AGAP1: variants seen among roughly 807,000 people sequenced by gnomAD.
AGAP1 encodes the protein ArfGAP with GTPase domain, ankyrin repeat and PH domain 1.
Under a neutral mutation model 105.3 loss-of-function variants are expected in AGAP1, and 29 were observed. The observed-to-expected ratio is 0.28, with a 90% CI of 0.21 to 0.38. The LOEUF is 0.38. Among genes scored for constraint, AGAP1 ranks in the 10% least tolerant of loss-of-function variants. The probability of loss-of-function intolerance (pLI) is 1.00; values close to 1 mark genes in which losing one functional copy is unlikely to be tolerated. For missense variants in AGAP1, 998 were observed against 1,165.1 expected (o/e 0.86, Z 2.09); for synonymous variants, 509 against 485.9 (o/e 1.05, Z -0.63).
At chr2:235,783,042 GTGTGTGTGTC>G (rs759129778) in intron 6 of AGAP1, among the ~76,000 whole-genome samples, 97 of 88,952 alleles carry the variant, frequency 1.1e-3, no homozygotes, top group African/African-American at 1.5e-3. Flanking sequence ...GTGTGTGTGT[GTGTGTGTGTC>G]TAGGTTGCAG....
intron 13 of AGAP1, among the ~76,000 whole-genome samples, chr2:236,029,965 C>G (rs1298449413): frequency 6.6e-6 from 1 of 152,122 alleles, no homozygotes; most frequent in Admixed American, 6.5e-5. Flanking sequence ...TCTTGAACTC[C>G]TGGGCTCAAG....
At chr2:235,766,838 T>C (rs985232160) in intron 6 of AGAP1, among the ~76,000 whole-genome samples, 4 of 151,872 alleles carry the variant, frequency 2.6e-5, no homozygotes, top group Non-Finnish European at 5.9e-5. Context: ...ACTTCCTGGG[T>C]TCAAGCAATT....
In AGAP1 at chr2:235,988,131, C is replaced by T. The variant is rs1470721465; in HGVS notation, c.1645+19508C>T. On this transcript the variant is annotated intron_variant, in intron 13 of 17. Coordinates refer to ENST00000304032, the MANE Select transcript of AGAP1 (RefSeq NM_001037131.3). This position sits in a 1 kb window ranked among gnomAD's most constrained non-coding sequence, Gnocchi z 4.7. ...GATCTCGGCTCACTGAAGCCTCCAC[C>T]TCCAAAGTTCAAGTGATTCTCCTGC... 6.6e-6 allele frequency among the ~76,000 whole-genome samples: 1 copy of T among 152,116 alleles called. No homozygotes were observed. The highest frequency in any genetic ancestry group is 1.5e-5 in the Non-Finnish European group (1 of 68,026).
At chr2:235,746,950 G>A (rs79279541) in intron 5 of AGAP1, among the ~76,000 whole-genome samples, 2,808 of 152,172 alleles carry the variant, frequency 0.018, 83 homozygotes, top group African/African-American at 0.064. Flanking sequence ...CTGAGATCCC[G>A]GGAGTTGGGA....
intron 1 of AGAP1, among the ~76,000 whole-genome samples, chr2:235,684,690 A>G (rs1297253238): frequency 6.6e-6 from 1 of 152,162 alleles, no homozygotes; most frequent in East Asian, 1.9e-4. Flanking sequence ...CAAAAAAGCA[A>G]GGTGCAGCCC....
At chr2:235,755,615 C>CT (rs1357336405) in intron 6 of AGAP1, among the ~76,000 whole-genome samples, 1 of 152,172 alleles carries the variant, frequency 6.6e-6, no homozygotes, top group East Asian at 1.9e-4. Context: ...TACTTTTTGG[C>CT]TATTTAGTAG....
rs1951341111 is a variant in AGAP1 at position 235,720,750 on chromosome 2, C to T, written c.310+3106C>T. The T allele has an allele frequency of 4.1e-6, 4 of 977,804 alleles. No individual in the cohort carries two copies. The highest frequency in any genetic ancestry group is 4.9e-6 in the Non-Finnish European group (4 of 823,090). The allele number at this position is 977,804 out of a possible 1,614,324, so 60.6% of individuals were successfully genotyped here. ...TTTATGTCATAATCCTGACCCGTGG[C>T]TGGGATATGTAGACTGCTGGGAGGG... On this transcript the variant is annotated intron_variant, in intron 3 of 17. Coordinates refer to ENST00000304032, the MANE Select transcript of AGAP1 (RefSeq NM_001037131.3). This position sits in a 1 kb window ranked among gnomAD's most constrained non-coding sequence, Gnocchi z 5.0.
chr2:235,663,740 A>G lies in AGAP1; in HGVS notation c.164-45439A>G, dbSNP rs1172830139. ...AGTTCGTGATATTCGTTCCTACTCCAGGAAGCTCTTAGGAGAATCCAAATC... is the reference window on the plus strand; with the variant it reads ...AGTTCGTGATATTCGTTCCTACTCCGGGAAGCTCTTAGGAGAATCCAAATC... On this transcript the variant is annotated intron_variant, in intron 1 of 17. Transcript: ENST00000304032. This position sits in a 1 kb window ranked among gnomAD's most constrained non-coding sequence, Gnocchi z 5.4. Among the ~76,000 whole-genome samples, 1 of 152,220 alleles carries G rather than the reference A, an allele frequency of 6.6e-6. No homozygotes were observed. Among genetic ancestry groups the G allele is most frequent in the Non-Finnish European group, 1.5e-5 (1 of 68,042 alleles).
At chr2:236,098,680 A>G (rs2059257508) in intron 16 of AGAP1, among the ~76,000 whole-genome samples, 1 of 137,250 alleles carries the variant, frequency 7.3e-6, no homozygotes, top group Admixed American at 7.7e-5. Flanking sequence ...GCTGGAGTGC[A>G]GTGCCACAAA....
At position 236,121,550 on chromosome 2, in the gene AGAP1, C is replaced by T. The variant is rs571485426; in HGVS notation, c.2370+1103C>T. ...TCCTGACCTCGTGATCCACCCGCCT[C>T]GGCCTCCCAAAGTGCTGGGAGTACA... is the stretch of plus-strand genomic sequence containing the variant. On this transcript the variant is annotated intron_variant, in intron 17 of 17. Coordinates refer to ENST00000304032, the MANE Select transcript of AGAP1 (RefSeq NM_001037131.3). The surrounding 1 kb of genome is among the most constrained non-coding windows in gnomAD (Gnocchi z 4.9). 2.2e-3 allele frequency among the ~76,000 whole-genome samples: 335 copies of T among 152,272 alleles called. 3 individuals are homozygous for T. Among genetic ancestry groups the T allele is most frequent in the African/African-American group, 7.5e-3 (311 of 41,568 alleles).
chr2:235,710,109 G>T (rs1488710089), intron 2 of AGAP1, among the ~76,000 whole-genome samples: 1 of 152,140 alleles, frequency 6.6e-6, no homozygotes, highest in East Asian at 1.9e-4. Flanking sequence ...GCAGACTCCG[G>T]CATGGGCCTG....
chr2:235,699,038 T>C (rs2149469774), intron 1 of AGAP1, among the ~76,000 whole-genome samples: 1 of 150,948 alleles, frequency 6.6e-6, no homozygotes, highest in African/African-American at 2.4e-5. Context: ...AGGCAGGAGA[T>C]GGTGGCCTGG....
intron 1 of AGAP1, among the ~76,000 whole-genome samples, chr2:235,682,257 T>C (rs1949116905): frequency 6.6e-6 from 1 of 152,186 alleles, no homozygotes; most frequent in Middle Eastern, 3.2e-3. Flanking sequence ...CCTTTCAAGC[T>C]GGGCATATTT....
rs1956607698 is a variant in AGAP1 at position 235,785,971 on chromosome 2, AG to A, written c.674-11787del. Among the ~76,000 whole-genome samples the A allele has an allele frequency of 2.0e-5, 3 of 152,310 alleles. No individual in the cohort carries two copies. In the South Asian group the frequency reaches 6.2e-4, roughly 32 times the overall value. On this transcript the variant is annotated intron_variant, in intron 6 of 17. Transcript: ENST00000304032. The stretch of plus-strand genomic sequence containing the variant: ...TGCCTGGCGTGGAAGAGTGTTGAGG[AG>A]CCTCACGTGCAGATTGAAGAATTGC...
In AGAP1 at chr2:236,083,751, G is replaced by T. The variant is rs2058848729; in HGVS notation, c.2114+34470G>T. ...TGCACATTAAGTCTGTTTTTTTACA[G>T]AAGGATAAATGGATGAACAGGTGTT... On this transcript the variant is annotated intron_variant, in intron 16 of 17. Transcript: ENST00000304032. This position sits in a 1 kb window ranked among gnomAD's most constrained non-coding sequence, Gnocchi z 5.3. Among the ~76,000 whole-genome samples the T allele has an allele frequency of 6.6e-6, 1 of 151,960 alleles. No homozygotes were observed. The highest frequency in any genetic ancestry group is 6.6e-5 in the Admixed American group (1 of 15,266).
At position 235,612,998 on chromosome 2, in the gene AGAP1, TAAC is replaced by T. The variant is rs779729665; in HGVS notation, c.164-96178_164-96176del. Among the ~76,000 whole-genome samples the T allele has an allele frequency of 8.6e-5, 13 of 152,002 alleles. No homozygotes were observed. The highest frequency in any genetic ancestry group is 1.6e-4 in the Non-Finnish European group (11 of 68,014). On this transcript the variant is annotated intron_variant, in intron 1 of 17. Transcript: ENST00000304032. This position sits in a 1 kb window ranked among gnomAD's most constrained non-coding sequence, Gnocchi z 4.3. ...GAGGTTAGCAAATACGTATAGATTG[TAAC>T]AAGAGAATTTTGCATTTCAGTTTTG...
At chr2:235,618,943 G>A (rs1946389518) in intron 1 of AGAP1, among the ~76,000 whole-genome samples, 2 of 152,160 alleles carry the variant, frequency 1.3e-5, no homozygotes, top group South Asian at 4.1e-4. Context: ...CTCTATAAAA[G>A]GAGGCAGTAA....
rs1235246399 is a variant in AGAP1, at chr2:235,883,245, T to C, written c.1051-100T>C. The C allele has an allele frequency of 4.8e-5, 46 of 952,026 alleles. No homozygotes were observed. The highest frequency in any genetic ancestry group is 6.7e-5 in the Non-Finnish European group (41 of 607,582). 59.0% of individuals were successfully genotyped at this position (952,026 alleles called of 1,614,324 possible). A position where few individuals can be genotyped will look rare whatever the true frequency, so the allele number is the denominator to read the frequency against. Reference sequence around the variant, plus strand: ...TCGCCAGTATCACAGAGTGAAGTTCTGCACACACACAGAACTTGAATGTAT... The same window carrying C: ...TCGCCAGTATCACAGAGTGAAGTTCCGCACACACACAGAACTTGAATGTAT... On this transcript the variant is annotated intron_variant, in intron 9 of 17. Transcript: ENST00000304032. The surrounding 1 kb of genome is among the most constrained non-coding windows in gnomAD (Gnocchi z 4.5).
rs2055753973 is a variant in AGAP1, at chr2:235,995,138, AAT to A, written c.1645+26518_1645+26519del. Among the ~76,000 whole-genome samples, 4 of 150,832 alleles carry A rather than the reference AAT, an allele frequency of 2.7e-5. No individual in the cohort carries two copies. The South Asian group carries it at 8.4e-4, about 32-fold the overall frequency. On this transcript the variant is annotated intron_variant, in intron 13 of 17. Coordinates refer to ENST00000304032, the MANE Select transcript of AGAP1 (RefSeq NM_001037131.3). ...TATCTTATTCTGTACCACAGTAGTAAATATGTTATTTGGAATATAGCTTATAA... is the reference window on the plus strand; with the variant it reads ...TATCTTATTCTGTACCACAGTAGTAAATGTTATTTGGAATATAGCTTATAA...
Sources: gnomAD v4.1 joint callset for allele counts (sites outside exome capture counted in the v4.1 genomes callset) on GRCh38, gnomAD v4.1.1 for gene constraint, Gnocchi (gnomAD v3.1) non-coding constraint, MANE v1.5 for transcripts, NCBI Gene and HGNC (gene_info 2026-07-23, HGNC 2026-07-21) for gene names.